The following WWP1 variants were observed in gnomAD, a reference collection of about 807,000 sequenced individuals.
The protein encoded by WWP1 is WW domain containing E3 ubiquitin protein ligase 1, also known as NEDD4-like E3 ubiquitin-protein ligase WWP1.
A neutral mutation model predicts 130.6 loss-of-function variants in WWP1; 49 were observed. That is an observed-to-expected ratio of 0.38 (90% confidence interval 0.30 to 0.48). The LOEUF is 0.48. Ranked by LOEUF, WWP1 falls within the 20% of genes least tolerant of loss-of-function variation. WWP1 has a pLI of 0.99. For synonymous variants in WWP1, 332 were observed against 367.8 expected (o/e 0.90, Z 1.11); for missense variants, 809 against 1,100.6 (o/e 0.74, Z 3.75).
At chr8:86,367,465 A>C (rs995588167) in intron 1 of WWP1, among the ~76,000 whole-genome samples, 3 of 152,198 alleles carry the variant, frequency 2.0e-5, no homozygotes, top group Admixed American at 6.5e-5. Context: ...GGCAATTAAG[A>C]TATGCCTTCT....
At chr8:86,426,421 A>G (rs757830347) in intron 10 of WWP1, among the ~76,000 whole-genome samples, 1 of 152,242 alleles carries the variant, frequency 6.6e-6, no homozygotes, top group Non-Finnish European at 1.5e-5. Context: ...TTATAAATTA[A>G]TGACAAAAAT....
At chr8:86,388,008 T>G (rs1290829741) in intron 5 of WWP1, among the ~76,000 whole-genome samples, 4 of 152,318 alleles carry the variant, frequency 2.6e-5, no homozygotes, top group East Asian at 3.9e-4. Context: ...TGAAATGTGG[T>G]TTGTAGAACT....
At chr8:86,376,596 AAAAG>A (rs1824670359) in intron 3 of WWP1, among the ~76,000 whole-genome samples, 1 of 151,982 alleles carries the variant, frequency 6.6e-6, no homozygotes, top group Non-Finnish European at 1.5e-5. Flanking sequence ...AAAGAAAAGA[AAAAG>A]AAAAACCTGA....
At chr8:86,453,421 C>G (rs1811280452) in intron 21 of WWP1, among the ~76,000 whole-genome samples, 1 of 152,142 alleles carries the variant, frequency 6.6e-6, no homozygotes, top group African/African-American at 2.4e-5. Context: ...TGTACACTAC[C>G]ACATGGTATT....
chr8:86,370,622 A>G (rs1824230523), intron 2 of WWP1, among the ~76,000 whole-genome samples: 2 of 152,136 alleles, frequency 1.3e-5, no homozygotes, highest in Admixed American at 1.3e-4. Flanking sequence ...GGTGTTTTCA[A>G]AGGAAATGAA....
At chr8:86,435,387 T>A in intron 14 of WWP1, 65 bp from the exon 15 acceptor site, 1 of 1,526,708 alleles carries the variant, frequency 6.6e-7, no homozygotes, top group Non-Finnish European at 9.0e-7. Flanking sequence ...ACTCTGATTT[T>A]ATACTGAATA....
chr8:86,441,647 A>G (rs1014666547), intron 17 of WWP1, among the ~76,000 whole-genome samples: 1 of 152,204 alleles, frequency 6.6e-6, no homozygotes, highest in African/African-American at 2.4e-5. Flanking sequence ...GTAGATTAGC[A>G]TATACTCTGT....
chr8:86,407,322 A>G (rs1036861228), intron 8 of WWP1, among the ~76,000 whole-genome samples: 2 of 152,078 alleles, frequency 1.3e-5, no homozygotes, highest in Non-Finnish European at 2.9e-5. Context: ...TTTTGCAACT[A>G]CCATAGGCTG....
chr8:86,436,319 T>C (rs560244052), intron 16 of WWP1, among the ~76,000 whole-genome samples: 237 of 152,330 alleles, frequency 1.6e-3, no homozygotes, highest in Non-Finnish European at 2.1e-3. Flanking sequence ...ATTAAATTGG[T>C]AGATACTGTA....
chr8:86,370,953 C>T (rs59329724), intron 2 of WWP1, among the ~76,000 whole-genome samples: 7,667 of 143,220 alleles, frequency 0.054, 349 homozygotes, highest in African/African-American at 0.12. Context: ...GCAACCTCTG[C>T]CTCCCGGGTT....
chr8:86,398,510 C>T (rs1189752653), intron 6 of WWP1, 31 bp downstream of exon 6: 1 of 1,608,128 alleles, frequency 6.2e-7, no homozygotes, highest in Non-Finnish European at 8.5e-7. Context: ...TGTAAAATTT[C>T]AAGGAAAAAG....
At chr8:86,370,266 T>G (rs1824208738) in intron 2 of WWP1, among the ~76,000 whole-genome samples, 1 of 152,194 alleles carries the variant, frequency 6.6e-6, no homozygotes, top group African/African-American at 2.4e-5. Context: ...TTAAACATCA[T>G]AAAAGATGTT....
chr8:86,352,532 T>C (rs998633851), intron 1 of WWP1, among the ~76,000 whole-genome samples: 6 of 152,054 alleles, frequency 3.9e-5, no homozygotes, highest in African/African-American at 1.4e-4. Flanking sequence ...CCCTGCCTAA[T>C]TTTTTATTTT....
At chr8:86,345,186 C>A (rs1822498814) in intron 1 of WWP1, among the ~76,000 whole-genome samples, 1 of 152,130 alleles carries the variant, frequency 6.6e-6, no homozygotes, top group African/African-American at 2.4e-5. Flanking sequence ...TGATTCTGAT[C>A]CAGGTTGGTT....
intron 24 of WWP1, among the ~76,000 whole-genome samples, chr8:86,463,567 A>G (rs1586524213): frequency 1.3e-5 from 2 of 152,028 alleles, no homozygotes; most frequent in South Asian, 2.1e-4. Flanking sequence ...TGGCCTCGCA[A>G]AGTGCTGGGA....
At chr8:86,351,666 C>T (rs996110532) in intron 1 of WWP1, among the ~76,000 whole-genome samples, 5 of 151,988 alleles carry the variant, frequency 3.3e-5, no homozygotes, top group Admixed American at 6.6e-5. Context: ...AGGGTAAGCA[C>T]GAAATCTGGG....
In WWP1 at chr8:86,380,696, A is replaced by T. The variant is rs772123139; in HGVS notation, c.71-30A>T. ...GTGCAGTACTACTTTTTGGCAACAC[A>T]TACTCACTAGTGAATTATTTGTCTG... On this transcript the variant is annotated intron_variant, in intron 3 of 24. Coordinates refer to ENST00000517970, the MANE Select transcript of WWP1 (RefSeq NM_007013.4). 1.9e-6 allele frequency: 3 copies of T among 1,590,774 alleles called. No homozygotes were observed. The African/African-American group carries it at 4.1e-5, about 22-fold the overall frequency.
intron 24 of WWP1, among the ~76,000 whole-genome samples, chr8:86,464,920 CGTGTGTGT>C (rs59046717): frequency 6.6e-6 from 1 of 151,450 alleles, no homozygotes; most frequent in East Asian, 1.9e-4. Flanking sequence ...CATGCGCGCG[CGTGTGTGT>C]GTGTATTGAG....
At chr8:86,461,147 T>A in intron 22 of WWP1, 77 bp from the exon 23 acceptor site, 1 of 1,312,316 alleles carries the variant, frequency 7.6e-7, no homozygotes, top group Non-Finnish European at 1.1e-6. Flanking sequence ...GTTATTTAAT[T>A]TCTTCAAGTG....
Sources: allele counts gnomAD v4.1 joint callset (sites outside exome capture counted in the v4.1 genomes callset), GRCh38; gene constraint gnomAD v4.1.1; transcripts MANE v1.5; gene names NCBI Gene and HGNC (gene_info 2026-07-23, HGNC 2026-07-21).